SEMA5A: variants seen among roughly 807,000 people sequenced by gnomAD.
The protein encoded by SEMA5A is semaphorin-5A.
Under a neutral mutation model 135.5 loss-of-function variants are expected in SEMA5A, and 55 were observed. The observed-to-expected ratio is 0.41, with a 90% CI of 0.33 to 0.51. The LOEUF is 0.51. Ranked by LOEUF, SEMA5A falls within the 20% of genes least tolerant of loss-of-function variation. The pLI is 0.37. For synonymous variants in SEMA5A, 580 were observed against 546.5 expected (o/e 1.06, Z -0.85); for missense variants, 1,290 against 1,419.9 (o/e 0.91, Z 1.47).
intron 1 of SEMA5A, among the ~76,000 whole-genome samples, chr5:9,503,982 C>T (rs958635762): frequency 1.3e-5 from 2 of 151,582 alleles, no homozygotes; most frequent in Non-Finnish European, 2.9e-5. Flanking sequence ...TTTGGGAGGC[C>T]GAGGCGGGCA....
intron 11 of SEMA5A, among the ~76,000 whole-genome samples, chr5:9,186,011 T>C (rs766874086): frequency 6.6e-6 from 1 of 152,198 alleles, no homozygotes; most frequent in African/African-American, 2.4e-5. Context: ...ACCTGATTGC[T>C]CAGCATGACC....
chr5:9,248,556 CAAA>C (rs57718636), intron 5 of SEMA5A, among the ~76,000 whole-genome samples: 3 of 143,942 alleles, frequency 2.1e-5, no homozygotes, highest in Admixed American at 6.9e-5. Context: ...ACTCATACGG[CAAA>C]AAAAAAAAAG....
intron 5 of SEMA5A, among the ~76,000 whole-genome samples, chr5:9,303,847 A>T (rs559678801): frequency 7.3e-4 from 111 of 152,324 alleles, no homozygotes; most frequent in South Asian, 5.4e-3. Flanking sequence ...AAAATATTTT[A>T]AAAATAACAT....
At chr5:9,538,280 A>G (rs1415373544) in intron 1 of SEMA5A, among the ~76,000 whole-genome samples, 2 of 142,458 alleles carry the variant, frequency 1.4e-5, no homozygotes, top group African/African-American at 5.1e-5. Context: ...GGGCGGGGGG[A>G]GGTGCGCGGG....
intron 11 of SEMA5A, among the ~76,000 whole-genome samples, chr5:9,189,897 A>G (rs1410284511): frequency 3.3e-5 from 5 of 152,268 alleles, no homozygotes; most frequent in African/African-American, 9.6e-5. Context: ...AGAAATAACC[A>G]TGACAATCCC....
chr5:9,453,246 C>T (rs1192561912), intron 1 of SEMA5A, among the ~76,000 whole-genome samples: 2 of 152,180 alleles, frequency 1.3e-5, no homozygotes, highest in African/African-American at 4.8e-5. Context: ...AAACTTGAGG[C>T]ACTTCCCAGC....
At chr5:9,105,517 A>G (rs560223257) in intron 16 of SEMA5A, among the ~76,000 whole-genome samples, 2 of 152,104 alleles carry the variant, frequency 1.3e-5, no homozygotes, top group Non-Finnish European at 2.9e-5. Flanking sequence ...TCATTAGCTG[A>G]CTCCCATTTT....
chr5:9,479,675 C>T (rs116272320), intron 1 of SEMA5A, among the ~76,000 whole-genome samples: 253 of 152,272 alleles, frequency 1.7e-3, no homozygotes, highest in African/African-American at 5.6e-3. Flanking sequence ...AAATCTTCTT[C>T]GGGTATTAAT....
At chr5:9,534,032 C>G (rs1737607323) in intron 1 of SEMA5A, among the ~76,000 whole-genome samples, 1 of 152,152 alleles carries the variant, frequency 6.6e-6, no homozygotes, top group African/African-American at 2.4e-5. Context: ...AGCGAGTGAC[C>G]CTATAAACTT....
chr5:9,410,509 TAAATAAGTA>T (rs1452343962), intron 2 of SEMA5A, among the ~76,000 whole-genome samples: 1 of 152,140 alleles, frequency 6.6e-6, no homozygotes, highest in Non-Finnish European at 1.5e-5. Context: ...TTCACAGATA[TAAATAAGTA>T]AATACAACAA....
chr5:9,207,296 C>T (rs1746086590), intron 8 of SEMA5A, among the ~76,000 whole-genome samples: 1 of 151,742 alleles, frequency 6.6e-6, no homozygotes, highest in African/African-American at 2.4e-5. Flanking sequence ...AGAGATTCTC[C>T]TGCCTCAGCC....
chr5:9,224,996 G>A (rs925878580), intron 7 of SEMA5A, 109 bp from the exon 8 acceptor site: 42 of 993,454 alleles, frequency 4.2e-5, no homozygotes, highest in African/African-American at 4.1e-4. Flanking sequence ...ACAGCCTCTC[G>A]GGGGCCCATG....
intron 12 of SEMA5A, among the ~76,000 whole-genome samples, chr5:9,149,435 G>A (rs1483478391): frequency 1.3e-5 from 2 of 152,184 alleles, no homozygotes; most frequent in African/African-American, 2.4e-5. Flanking sequence ...CCTGAGATCA[G>A]GAGTTAAAGA....
At chr5:9,418,811 G>A (rs1206564432) in intron 2 of SEMA5A, among the ~76,000 whole-genome samples, 1 of 152,158 alleles carries the variant, frequency 6.6e-6, no homozygotes, top group Non-Finnish European at 1.5e-5. Context: ...TGCTAAGAAG[G>A]GCTCAGGCAG....
At chr5:9,322,959 C>T (rs999540701) in intron 4 of SEMA5A, among the ~76,000 whole-genome samples, 1 of 152,190 alleles carries the variant, frequency 6.6e-6, no homozygotes, top group East Asian at 1.9e-4. Flanking sequence ...CTGCTAATAA[C>T]AAACTTTTGA....
At chr5:9,243,275 G>T (rs1459680348) in intron 5 of SEMA5A, among the ~76,000 whole-genome samples, 1 of 152,114 alleles carries the variant, frequency 6.6e-6, no homozygotes, top group African/African-American at 2.4e-5. Context: ...GTACGACTTG[G>T]CTTACAGGGC....
intron 1 of SEMA5A, among the ~76,000 whole-genome samples, chr5:9,443,155 G>C (rs1228183619): frequency 6.6e-6 from 1 of 152,154 alleles, no homozygotes; most frequent in African/African-American, 2.4e-5. Flanking sequence ...TTCCACAGGT[G>C]GTCTCCACAG....
intron 11 of SEMA5A, among the ~76,000 whole-genome samples, chr5:9,161,131 ATT>A (rs11365487): frequency 2.9e-4 from 44 of 150,148 alleles, no homozygotes; most frequent in Middle Eastern, 6.9e-3. Context: ...TTAGTGGGGA[ATT>A]TTTTTTTTTT....
At chr5:9,449,019 A>G (rs928195775) in intron 1 of SEMA5A, among the ~76,000 whole-genome samples, 6 of 152,228 alleles carry the variant, frequency 3.9e-5, no homozygotes, top group Admixed American at 2.6e-4. Context: ...CGATTCCTCA[A>G]AGACCTAGAG....
Sources: allele counts gnomAD v4.1 joint callset (sites outside exome capture counted in the v4.1 genomes callset), GRCh38; gene constraint gnomAD v4.1.1; transcripts MANE v1.5; gene names NCBI Gene and HGNC (gene_info 2026-07-23, HGNC 2026-07-21).